The following PKIA variants were observed in gnomAD, a reference collection of about 807,000 sequenced individuals.
The protein encoded by PKIA is cAMP-dependent protein kinase inhibitor alpha, also known as PKI-alpha.
A neutral mutation model predicts 7.6 loss-of-function variants in PKIA; 4 were observed. That is an observed-to-expected ratio of 0.52 (90% CI 0.26 to 1.20). PKIA has a LOEUF of 1.20. Among genes scored for constraint, PKIA ranks in the 50% most tolerant of loss-of-function variants. PKIA has a pLI of 0.13. For missense variants in PKIA, 73 were observed against 86.2 expected (o/e 0.85, Z 0.61); for synonymous variants, 21 against 30.7 (o/e 0.68, Z 1.04).
chr8:78,547,065 C>A (rs1806841048), intron 1 of PKIA, among the ~76,000 whole-genome samples: 1 of 151,586 alleles, frequency 6.6e-6, no homozygotes, highest in Admixed American at 6.6e-5. Flanking sequence ...AGGTTTGAAT[C>A]AGAAAAGAAA....
At chr8:78,560,390 CGT>C in intron 1 of PKIA, among the ~76,000 whole-genome samples, 1 of 152,046 alleles carries the variant, frequency 6.6e-6, no homozygotes. Context: ...AAAAAGAAAA[CGT>C]TTTTCTATTC....
At chr8:78,543,474 T>G (rs567378714) in intron 1 of PKIA, among the ~76,000 whole-genome samples, 3 of 152,338 alleles carry the variant, frequency 2.0e-5, no homozygotes, top group African/African-American at 7.2e-5. Context: ...ATAAACTAGC[T>G]TTTATAAAAC....
intron 1 of PKIA, among the ~76,000 whole-genome samples, chr8:78,554,848 A>G (rs1435496017): frequency 2.6e-5 from 4 of 152,124 alleles, no homozygotes; most frequent in Non-Finnish European, 5.9e-5. Context: ...ATTCTTTTCA[A>G]TGAATAACTT....
At chr8:78,542,477 T>G (rs544084969) in intron 1 of PKIA, among the ~76,000 whole-genome samples, 16 of 152,274 alleles carry the variant, frequency 1.1e-4, no homozygotes, top group African/African-American at 3.4e-4. Context: ...TGAGCTTATG[T>G]GAGGTGATCA....
At chr8:78,567,886 A>G (rs192799427) in intron 1 of PKIA, among the ~76,000 whole-genome samples, 6 of 152,250 alleles carry the variant, frequency 3.9e-5, no homozygotes, top group East Asian at 1.9e-4. Context: ...AACTCTTTCA[A>G]TTGTTCCCAG....
At chr8:78,559,024 C>T (rs1405554973) in intron 1 of PKIA, among the ~76,000 whole-genome samples, 3 of 152,118 alleles carry the variant, frequency 2.0e-5, no homozygotes, top group Admixed American at 6.5e-5. Flanking sequence ...TGGGTTCCAG[C>T]GATTCTCCTG....
chr8:78,522,492 G>A (rs1372383048), intron 1 of PKIA, among the ~76,000 whole-genome samples: 3 of 151,832 alleles, frequency 2.0e-5, no homozygotes, highest in African/African-American at 2.4e-5. Context: ...TAGTATTACT[G>A]AATGTTCTGG....
At chr8:78,586,756 G>A (rs1375345512) in intron 2 of PKIA, among the ~76,000 whole-genome samples, 2 of 152,100 alleles carry the variant, frequency 1.3e-5, no homozygotes, top group African/African-American at 4.8e-5. Flanking sequence ...AGAAAGTGAA[G>A]GAAGTTTATA....
intron 1 of PKIA, among the ~76,000 whole-genome samples, chr8:78,529,650 G>A (rs111738179): frequency 0.034 from 5,103 of 152,034 alleles, 96 homozygotes; most frequent in African/African-American, 0.041. Context: ...AATATATTTA[G>A]ATTATTTAAG....
At chr8:78,533,485 G>A (rs908104390) in intron 1 of PKIA, among the ~76,000 whole-genome samples, 1 of 152,054 alleles carries the variant, frequency 6.6e-6, no homozygotes, top group Admixed American at 6.6e-5. Flanking sequence ...GCTGGCAATA[G>A]AATGTTAAAC....
intron 1 of PKIA, chr8:78,534,661 T>C (rs956698455): frequency 6.6e-6 from 1 of 152,108 alleles, no homozygotes; most frequent in Admixed American, 6.5e-5. Flanking sequence ...GGGTCCCCAG[T>C]GTAGTGAGAC....
chr8:78,538,801 G>A (rs1156296219), intron 1 of PKIA, among the ~76,000 whole-genome samples: 4 of 152,058 alleles, frequency 2.6e-5, no homozygotes, highest in East Asian at 3.9e-4. Context: ...AGGTGTTACC[G>A]TAGCATATGT....
rs1478443004 is a variant in PKIA, at chr8:78,602,746, AG to A, written c.*927del. On this transcript the variant is annotated 3_prime_UTR_variant, in exon 4 of 4. Coordinates refer to ENST00000396418, the MANE Select transcript of PKIA (RefSeq NM_006823.4). ...TTATGAGAATTTTGGACAATTGGAAAGGTAGAAAAGAAAAGCCAAGATCATA... is the reference window on the plus strand; with the variant it reads ...TTATGAGAATTTTGGACAATTGGAAAGTAGAAAAGAAAAGCCAAGATCATA... The A allele has an allele frequency of 6.9e-6, 1 of 145,120 alleles. No homozygotes were observed. The highest frequency in any genetic ancestry group is 2.6e-5 in the African/African-American group (1 of 38,434). The allele number at this position is 145,120 out of a possible 1,614,324, so 9.0% of individuals were successfully genotyped here. A position where few individuals can be genotyped will look rare whatever the true frequency, so the allele number is the denominator to read the frequency against.
intron 2 of PKIA, among the ~76,000 whole-genome samples, chr8:78,587,415 T>C (rs1045897257): frequency 6.6e-6 from 1 of 152,202 alleles, no homozygotes; most frequent in African/African-American, 2.4e-5. Context: ...ATTGGTCAAG[T>C]CGATTAACCT....
chr8:78,539,134 G>A (rs1400542841), intron 1 of PKIA, among the ~76,000 whole-genome samples: 2 of 152,026 alleles, frequency 1.3e-5, no homozygotes, highest in Non-Finnish European at 2.9e-5. Context: ...TGGAGGAAAA[G>A]GTTGATGAGA....
chr8:78,586,790 G>C (rs1192222695), intron 2 of PKIA, among the ~76,000 whole-genome samples: 1 of 152,034 alleles, frequency 6.6e-6, no homozygotes, highest in Admixed American at 6.5e-5. Flanking sequence ...ATTGGAAAAT[G>C]GTAACTGTAA....
chr8:78,593,673 T>A (rs926160673), intron 2 of PKIA, among the ~76,000 whole-genome samples: 1 of 152,232 alleles, frequency 6.6e-6, no homozygotes, highest in Non-Finnish European at 1.5e-5. Flanking sequence ...CCAAAAACTT[T>A]ATTCAAACTC....
intron 1 of PKIA, among the ~76,000 whole-genome samples, chr8:78,527,881 A>G (rs2118349630): frequency 6.6e-6 from 1 of 152,152 alleles, no homozygotes; most frequent in Middle Eastern, 3.4e-3. Context: ...ATTATTTTGT[A>G]CATCTATGTT....
At chr8:78,559,043 T>A (rs1807220149) in intron 1 of PKIA, among the ~76,000 whole-genome samples, 2 of 152,106 alleles carry the variant, frequency 1.3e-5, no homozygotes, top group African/African-American at 4.8e-5. Context: ...TGCCTCAGCC[T>A]CCCGAGTAGC....
Sources: gnomAD v4.1 joint callset for allele counts (sites outside exome capture counted in the v4.1 genomes callset) on GRCh38, gnomAD v4.1.1 for gene constraint, MANE v1.5 for transcripts, NCBI Gene and HGNC (gene_info 2026-07-23, HGNC 2026-07-21) for gene names.